AGBL4: variants seen among roughly 807,000 people sequenced by gnomAD.
AGBL4 encodes the protein cytosolic carboxypeptidase 6.
In AGBL4, 58 loss-of-function variants were observed where a neutral mutation model predicts 66.4. That is an observed-to-expected ratio of 0.87 (90% CI 0.71 to 1.09). The LOEUF is 1.09. AGBL4 is among the 50% of genes least tolerant of loss of function. AGBL4 has a pLI of 0.00. For synonymous variants in AGBL4, 234 were observed against 222.9 expected, an observed-to-expected ratio of 1.05 and a Z score of -0.44; for missense variants, 579 against 631.0, an observed-to-expected ratio of 0.92 and a Z score of 0.88.
chr1:48,542,303 C>T (rs566541524), intron 11 of AGBL4, among the ~76,000 whole-genome samples: 5 of 152,130 alleles, frequency 3.3e-5, no homozygotes, highest in South Asian at 4.1e-4. Flanking sequence ...AATAAACATA[C>T]GTGTGCATGT....
intron 3 of AGBL4, among the ~76,000 whole-genome samples, chr1:49,293,752 A>G (rs1644588722): frequency 1.3e-5 from 2 of 152,240 alleles, no homozygotes; most frequent in Non-Finnish European, 2.9e-5. Flanking sequence ...TGTATGTAGA[A>G]ATAGTTGTCA....
intron 1 of AGBL4, among the ~76,000 whole-genome samples, chr1:49,932,171 C>T (rs1653432083): frequency 6.6e-6 from 1 of 152,006 alleles, no homozygotes; most frequent in Non-Finnish European, 1.5e-5. Flanking sequence ...ATCAATGGAA[C>T]AGAATAGAGA....
At position 48,597,829 on chromosome 1, in the gene AGBL4, AAG is replaced by A. The variant is rs898367061; in HGVS notation, c.952-6846_952-6845del. 8.0e-5 allele frequency among the ~76,000 whole-genome samples: 12 copies of A among 150,846 alleles called. No individual in the cohort carries two copies. In the South Asian group the frequency reaches 8.4e-4, roughly 11 times the overall value. ...AAAGAAAGAGAGAGAAAGAAAGAGA[AAG>A]AGAGAAAAAGAAAGGAAGGAAGGAA... On this transcript the variant is annotated intron_variant, in intron 9 of 13. Coordinates refer to ENST00000371839, the MANE Select transcript of AGBL4 (RefSeq NM_032785.4).
At chr1:49,742,290 T>A (rs1650573727) in intron 2 of AGBL4, among the ~76,000 whole-genome samples, 1 of 151,360 alleles carries the variant, frequency 6.6e-6, no homozygotes, top group African/African-American at 2.4e-5. Context: ...ATGAGTGAAC[T>A]CCCATTCACA....
chr1:49,005,706 G>A (rs1418753696), intron 5 of AGBL4, among the ~76,000 whole-genome samples: 4 of 152,110 alleles, frequency 2.6e-5, no homozygotes, highest in African/African-American at 9.7e-5. Context: ...TACTATCTAT[G>A]GTTTCAGACA....
intron 5 of AGBL4, among the ~76,000 whole-genome samples, chr1:48,892,233 C>A (rs1026061224): frequency 2.0e-5 from 3 of 152,198 alleles, no homozygotes; most frequent in Non-Finnish European, 4.4e-5. Flanking sequence ...TTCTCTCTGA[C>A]TGTCTGTGTC....
chr1:49,740,957 A>G (rs1650395461), intron 2 of AGBL4, among the ~76,000 whole-genome samples: 1 of 152,212 alleles, frequency 6.6e-6, no homozygotes, highest in South Asian at 2.1e-4. Context: ...AGACTGATCT[A>G]AAATTGACAC....
intron 11 of AGBL4, among the ~76,000 whole-genome samples, chr1:48,567,807 C>T (rs1053127077): frequency 2.6e-5 from 4 of 152,136 alleles, no homozygotes; most frequent in Admixed American, 1.3e-4. Context: ...CCCGACCTTT[C>T]ATGTCATGAC....
chr1:49,625,470 C>T (rs1645447273), intron 3 of AGBL4, among the ~76,000 whole-genome samples: 1 of 152,290 alleles, frequency 6.6e-6, no homozygotes, highest in Middle Eastern at 3.4e-3. Flanking sequence ...GACATAACTC[C>T]TCTTAGCAAG....
At chr1:48,639,304 T>C (rs1645718430) in intron 8 of AGBL4, among the ~76,000 whole-genome samples, 1 of 152,194 alleles carries the variant, frequency 6.6e-6, no homozygotes, top group African/African-American at 2.4e-5. Flanking sequence ...AATCTATCAG[T>C]AGATAAGTAT....
At chr1:48,534,367 G>A (rs1196187528) in intron 13 of AGBL4, 74 bp from the exon 14 acceptor site, 18 of 1,477,990 alleles carry the variant, frequency 1.2e-5, no homozygotes, top group Non-Finnish European at 1.5e-5. Flanking sequence ...TTGTGTGCAT[G>A]TCTATCTTCC....
At chr1:48,765,853 A>T (rs930564710) in intron 6 of AGBL4, among the ~76,000 whole-genome samples, 1 of 152,238 alleles carries the variant, frequency 6.6e-6, no homozygotes, top group Non-Finnish European at 1.5e-5. Context: ...TGAAATGTTC[A>T]GAATGGGTAA....
chr1:48,640,231 A>G (rs1487641197), intron 8 of AGBL4, among the ~76,000 whole-genome samples: 1 of 152,246 alleles, frequency 6.6e-6, no homozygotes, highest in Non-Finnish European at 1.5e-5. Context: ...ATATGACTGC[A>G]TAATACATAA....
At chr1:48,789,286 A>T (rs1413749990) in intron 6 of AGBL4, among the ~76,000 whole-genome samples, 1 of 51,266 alleles carries the variant, frequency 2.0e-5, no homozygotes, top group African/African-American at 4.7e-5. Context: ...GGATATATAT[A>T]TATATATATT....
intron 1 of AGBL4, among the ~76,000 whole-genome samples, chr1:49,863,640 G>A (rs917367752): frequency 3.3e-5 from 5 of 152,088 alleles, no homozygotes; most frequent in African/African-American, 9.7e-5. Flanking sequence ...TAGGCATTTT[G>A]GAAAAGAAGA....
At chr1:49,235,527 AG>A (rs1325980621) in intron 4 of AGBL4, among the ~76,000 whole-genome samples, 3 of 152,208 alleles carry the variant, frequency 2.0e-5, no homozygotes, top group Non-Finnish European at 4.4e-5. Flanking sequence ...TGAGGGCCCA[AG>A]GCTCTGTTGT....
At chr1:49,373,529 C>T (rs1168464051) in intron 3 of AGBL4, among the ~76,000 whole-genome samples, 1 of 151,948 alleles carries the variant, frequency 6.6e-6, no homozygotes, top group African/African-American at 2.4e-5. Flanking sequence ...AGAAACAATT[C>T]TGGAAGAAGA....
chr1:49,668,725 T>C (rs891150165), intron 3 of AGBL4, among the ~76,000 whole-genome samples: 5 of 152,154 alleles, frequency 3.3e-5, no homozygotes, highest in Admixed American at 6.6e-5. Flanking sequence ...CCTGAATTGA[T>C]TAGAAGCACA....
intron 3 of AGBL4, among the ~76,000 whole-genome samples, chr1:49,386,294 TA>T (rs1644735633): frequency 6.6e-6 from 1 of 151,374 alleles, no homozygotes; most frequent in Non-Finnish European, 1.5e-5. Flanking sequence ...TGTGTGTGTG[TA>T]TCTCCAACAA....
Sources: allele counts gnomAD v4.1 joint callset (sites outside exome capture counted in the v4.1 genomes callset), GRCh38; gene constraint gnomAD v4.1.1; transcripts MANE v1.5; gene names NCBI Gene and HGNC (gene_info 2026-07-23, HGNC 2026-07-21).